Variants in RNF44 observed in about 807,000 individuals in gnomAD.
The protein encoded by RNF44 is ring finger protein 44.
RNF44 carries 25 observed loss-of-function variants against 53.6 expected under a neutral mutation model. That is an observed-to-expected ratio of 0.47 (90% CI 0.34 to 0.65). The LOEUF is 0.65. Ranked by LOEUF, RNF44 falls within the 30% of genes least tolerant of loss-of-function variation. RNF44 has a pLI of 0.01. For missense variants in RNF44, 581 were observed against 595.5 expected (o/e 0.98, Z 0.25); for synonymous variants, 282 against 252.2 (o/e 1.12, Z -1.12).
chr5:176,530,183 C>T lies in RNF44; in HGVS notation c.825G>A (p.Arg275=). 1 of 1,325,194 alleles carries T rather than the reference C, an allele frequency of 7.5e-7. No homozygotes were observed. Among genetic ancestry groups the T allele is most frequent in the Non-Finnish European group, 9.7e-7 (1 of 1,034,034 alleles). The allele number at this position is 1,325,194 out of a possible 1,614,324, so 82.1% of individuals were successfully genotyped here. ...FGVPYSHMMP[R]RLSTQRYRLQ... ...GGCGGTATCTCTGGGTGCTCAGTCT[C>T]CGTGGCATCATGTGAGAATATGGCT... Residue 275 remains arginine, a synonymous_variant, in exon 7 of 11, where the codon CGG becomes CGA. Transcript: ENST00000274811.
chr5:176,534,092 C>T (rs998447413), intron 1 of RNF44, among the ~76,000 whole-genome samples: 17 of 152,340 alleles, frequency 1.1e-4, no homozygotes, highest in Admixed American at 3.3e-4. Context: ...AAAAGGAGCC[C>T]GCATGGGAGA....
In RNF44 at chr5:176,531,586, C is replaced by A; in HGVS notation, c.342G>T (p.Val114=). Reference sequence around the variant, plus strand: ...TAGGCAAGGGGAAGCCTTGGGTCGTCACTGTGGTGACCGTGTAGGACAGAG... The same window carrying A: ...TAGGCAAGGGGAAGCCTTGGGTCGTAACTGTGGTGACCGTGTAGGACAGAG... ...PVPLSYTVTT[V]TTQGFPLPTG... Residue 114 remains valine, a synonymous_variant, in exon 4 of 11, where the codon GTG becomes GTT. Coordinates refer to ENST00000274811, the MANE Select transcript of RNF44 (RefSeq NM_014901.5). The surrounding 1 kb of genome is among the most constrained non-coding windows in gnomAD (Gnocchi z 4.2). The A allele has an allele frequency of 6.2e-7, 1 of 1,613,620 alleles. No individual in the cohort carries two copies. Among genetic ancestry groups the A allele is most frequent in the Non-Finnish European group, 8.5e-7 (1 of 1,179,844 alleles).
rs1052099566 is a variant in RNF44, at chr5:176,527,056, A to G, written c.*1972T>C. On this transcript the variant is annotated 3_prime_UTR_variant, in exon 11 of 11. Coordinates refer to ENST00000274811, the MANE Select transcript of RNF44 (RefSeq NM_014901.5). ...AGGAACAGGGCCCCCAAAATTACAT[A>G]TATTTCTACATATATATGTAATTTT... 3 of 151,962 alleles carry G rather than the reference A, an allele frequency of 2.0e-5. No homozygotes were observed. The highest frequency in any genetic ancestry group is 4.8e-5 in the African/African-American group (2 of 41,362). The allele number at this position is 151,962 out of a possible 1,614,324, so 9.4% of individuals were successfully genotyped here.
At chr5:176,536,563 CG>C (rs949815764) in intron 1 of RNF44, among the ~76,000 whole-genome samples, 3 of 152,206 alleles carry the variant, frequency 2.0e-5, no homozygotes, top group Non-Finnish European at 4.4e-5. Flanking sequence ...GCGCCGCTCT[CG>C]GAGGGACACC....
At chr5:176,543,383 C>G in the RNF44 span, among the ~76,000 whole-genome samples, 3 of 150,242 alleles carry the variant, frequency 2.0e-5, no homozygotes, top group African/African-American at 4.9e-5. This position sits in a 1 kb window ranked among gnomAD's most constrained non-coding sequence, Gnocchi z 4.0. Context: ...CGGCCCGGTG[C>G]AGGGGAACCG....
intron 1 of RNF44, among the ~76,000 whole-genome samples, chr5:176,536,599 G>C (rs1757205696): frequency 6.6e-6 from 1 of 152,310 alleles, no homozygotes; most frequent in South Asian, 2.1e-4. Flanking sequence ...AGACTGCAGC[G>C]CAGGGGCCAG....
Position 176,531,951 on chromosome 5 carries a change from CCT to C in RNF44, c.297+51_297+52del. The C allele has an allele frequency of 6.6e-7, 1 of 1,523,908 alleles. No homozygotes were observed. The highest frequency in any genetic ancestry group is 8.8e-7 in the Non-Finnish European group (1 of 1,130,096). The allele number at this position is 1,523,908 out of a possible 1,614,324, so 94.4% of individuals were successfully genotyped here. On this transcript the variant is annotated intron_variant, in intron 3 of 10. Transcript: ENST00000274811. This position sits in a 1 kb window ranked among gnomAD's most constrained non-coding sequence, Gnocchi z 4.2. ...TGAAATCTAGGCCTTGCTGCCTCTG[CCT>C]CTCAGACTGGCTCACAGGGCCAGGG...
At chr5:176,535,861 T>C (rs951247354) in intron 1 of RNF44, 4 of 152,234 alleles carry the variant, frequency 2.6e-5, no homozygotes, top group African/African-American at 9.7e-5. Flanking sequence ...GAGCTCTGTG[T>C]GAACGGGTCT....
chr5:176,531,158 G>T lies in RNF44; in HGVS notation c.466-137C>A. 1 of 660,076 alleles carries T rather than the reference G, an allele frequency of 1.5e-6. No homozygotes were observed. 40.9% of individuals were successfully genotyped at this position (660,076 alleles called of 1,614,324 possible). ...GGTCTGTATAAGAAACCCTGTGGAA[G>T]GCCCATCCCTGTCCTAGGCCACCCA... On this transcript the variant is annotated intron_variant, in intron 4 of 10. Coordinates refer to ENST00000274811, the MANE Select transcript of RNF44 (RefSeq NM_014901.5). This position sits in a 1 kb window ranked among gnomAD's most constrained non-coding sequence, Gnocchi z 4.2.
chr5:176,533,062 G>A lies in RNF44; in HGVS notation c.-44-546C>T, dbSNP rs182838518. ...AGGCTCCTGCTGGGCGGGGTCTCAG[G>A]GCACCCTGTCTTGGAAAGGGGCTTA... On this transcript the variant is annotated intron_variant, in intron 1 of 10. Transcript: ENST00000274811. 1.2e-4 allele frequency among the ~76,000 whole-genome samples: 18 copies of A among 152,298 alleles called. No individual in the cohort carries two copies. In the East Asian group the frequency reaches 3.5e-3, roughly 29 times the overall value.
At chr5:176,541,238 T>C (rs1309147883), upstream of RNF44, among the ~76,000 whole-genome samples, 3 of 152,174 alleles carry the variant, frequency 2.0e-5, no homozygotes, top group Non-Finnish European at 2.9e-5. Flanking sequence ...GGGCAAGTCC[T>C]ATCCTGATCC....
intron 1 of RNF44, among the ~76,000 whole-genome samples, chr5:176,534,811 G>A (rs761625274): frequency 2.9e-4 from 44 of 152,252 alleles, no homozygotes; most frequent in Admixed American, 1.2e-3. Context: ...TGAGGTCCAA[G>A]GCCAGTCAGC....
rs767198432 is a variant in RNF44 at position 176,529,580 on chromosome 5, A to G, written c.1079T>C (p.Ile360Thr). The change falls in exon 9 of 11, where the codon ATA becomes ACA. Residue 360 changes from isoleucine (I) to threonine (T), a missense_variant. By Grantham distance (89) the Ile-to-Thr change is moderately conservative. This residue lies in a region of RNF44 where 183 missense variants were observed against 198.6 expected (regional missense o/e 0.92). Transcript: ENST00000274811. ...AAAGCGGTACGACGGGAGCTGCTCTATGTCTGCTTTGGTGAGACCCCGGGG... is the reference window on the plus strand; with the variant it reads ...AAAGCGGTACGACGGGAGCTGCTCTGTGTCTGCTTTGGTGAGACCCCGGGG... ...AKPRGLTKAD[I>T]EQLPSYRFNP... 6.8e-6 allele frequency: 11 copies of G among 1,613,936 alleles called. No homozygotes were observed. Among genetic ancestry groups the G allele is most frequent in the Middle Eastern group, 1.6e-4 (1 of 6,062 alleles).
In RNF44 at chr5:176,528,125, T is replaced by C. The variant is rs1377601434; in HGVS notation, c.*903A>G. ...TGACCGTGCTCGGCCCCCTGGGCAC[T>C]CGGTCCCAGTTGGTCCCTATACCCG... is the stretch of plus-strand genomic sequence containing the variant. On this transcript the variant is annotated 3_prime_UTR_variant, in exon 11 of 11. Transcript: ENST00000274811. 6.6e-6 allele frequency: 1 copy of C among 152,362 alleles called. No homozygotes were observed. The highest frequency in any genetic ancestry group is 2.4e-5 in the African/African-American group (1 of 41,400). The allele number at this position is 152,362 out of a possible 1,614,324, so 9.4% of individuals were successfully genotyped here.
At chr5:176,535,749 G>A (rs1184229809) in intron 1 of RNF44, among the ~76,000 whole-genome samples, 2 of 152,156 alleles carry the variant, frequency 1.3e-5, no homozygotes, top group Non-Finnish European at 2.9e-5. Context: ...AAGGCCCAGA[G>A]TTGGAGCTAG....
rs1756720723 is a variant in RNF44, at chr5:176,532,043, G to A, written c.258C>T (p.Ala86=). The A allele has an allele frequency of 6.2e-7, 1 of 1,611,640 alleles. No homozygotes were observed. The highest frequency in any genetic ancestry group is 8.5e-7 in the Non-Finnish European group (1 of 1,178,904). Residue 86 remains alanine, a synonymous_variant, in exon 3 of 11, where the codon GCC becomes GCT. Coordinates refer to ENST00000274811, the MANE Select transcript of RNF44 (RefSeq NM_014901.5). The stretch of plus-strand genomic sequence containing the variant: ...CAACCATGAACGGGCTCTGCTGGGT[G>A]GCTGGGTGCAGCATTCGGGGGCTCC... ...AGGSPRMLHP[A]TQQSPFMVDL...
Position 176,531,169 on chromosome 5 carries a change from G to A in RNF44, c.466-148C>T. The A allele has an allele frequency of 1.6e-6, 1 of 643,258 alleles. No homozygotes were observed. The highest frequency in any genetic ancestry group is 2.5e-6 in the Non-Finnish European group (1 of 395,310). 39.8% of individuals were successfully genotyped at this position (643,258 alleles called of 1,614,324 possible). A position where few individuals can be genotyped will look rare whatever the true frequency, so the allele number is the denominator to read the frequency against. ...GAAACCCTGTGGAAGGCCCATCCCT[G>A]TCCTAGGCCACCCAGGCAGGACACT... On this transcript the variant is annotated intron_variant, in intron 4 of 10. Coordinates refer to ENST00000274811, the MANE Select transcript of RNF44 (RefSeq NM_014901.5). The surrounding 1 kb of genome is among the most constrained non-coding windows in gnomAD (Gnocchi z 4.2).
rs552593282 is a variant in RNF44 at position 176,527,583 on chromosome 5, G to A, written c.*1445C>T. ...GTGGGACCAGGCTGACGGGCCCCAC[G>A]GCAGGCTGGGGCGGGAGGTGGGAGC... On this transcript the variant is annotated 3_prime_UTR_variant, in exon 11 of 11. Coordinates refer to ENST00000274811, the MANE Select transcript of RNF44 (RefSeq NM_014901.5). 3 of 152,558 alleles carry A rather than the reference G, an allele frequency of 2.0e-5. No individual in the cohort carries two copies. Among genetic ancestry groups the A allele is most frequent in the South Asian group, 2.1e-4 (1 of 4,822 alleles). The allele number at this position is 152,558 out of a possible 1,614,324, so 9.5% of individuals were successfully genotyped here.
upstream of RNF44, among the ~76,000 whole-genome samples, chr5:176,542,199 G>A (rs1224487138): frequency 6.6e-6 from 1 of 152,192 alleles, no homozygotes; most frequent in Non-Finnish European, 1.5e-5. Context: ...TAATAACTAG[G>A]CCACTGGGGC....
Sources: allele counts gnomAD v4.1 joint callset (sites outside exome capture counted in the v4.1 genomes callset), GRCh38; gene constraint gnomAD v4.1.1; regional missense constraint gnomAD v4.1.1; non-coding constraint Gnocchi (gnomAD v3.1); transcripts MANE v1.5; gene names NCBI Gene and HGNC (gene_info 2026-07-23, HGNC 2026-07-21).